Variants in MYBPHL observed in about 807,000 individuals in gnomAD.
MYBPHL encodes myosin binding protein H like.
Under a neutral mutation model 39.5 loss-of-function variants are expected in MYBPHL, and 32 were observed. The observed-to-expected ratio is 0.81, with a 90% CI of 0.61 to 1.09. MYBPHL has a LOEUF of 1.09. Among genes scored for constraint, MYBPHL ranks in the 50% least tolerant of loss-of-function variants. MYBPHL has a pLI of 0.00. For missense variants in MYBPHL, 456 were observed against 460.2 expected, an observed-to-expected ratio of 0.99 and a Z score of 0.08; for synonymous variants, 196 against 183.7, an observed-to-expected ratio of 1.07 and a Z score of -0.54.
chr1:109,302,084 T>C (rs1273681648), intron 1 of MYBPHL, among the ~76,000 whole-genome samples: 1 of 151,804 alleles, frequency 6.6e-6, no homozygotes, highest in East Asian at 1.9e-4. Flanking sequence ...TGTGTGTGTT[T>C]GTGTACGTGC....
intron 1 of MYBPHL, among the ~76,000 whole-genome samples, chr1:109,302,530 GT>G (rs980522220): frequency 6.6e-6 from 1 of 152,114 alleles, no homozygotes; most frequent in Non-Finnish European, 1.5e-5. Flanking sequence ...GTGCTTGATG[GT>G]TTTAGCCCTG....
chr1:109,303,445 T>C (rs553173655), intron 1 of MYBPHL, among the ~76,000 whole-genome samples: 2 of 152,328 alleles, frequency 1.3e-5, no homozygotes, highest in African/African-American at 4.8e-5. Flanking sequence ...AGTGGCTGTA[T>C]CTGCACAGAG....
intron 1 of MYBPHL, among the ~76,000 whole-genome samples, chr1:109,301,984 A>G (rs1658300397): frequency 6.6e-6 from 1 of 152,136 alleles, no homozygotes; most frequent in Non-Finnish European, 1.5e-5. Context: ...GAGAGCCAAG[A>G]ACCAAGATGG....
intron 8 of MYBPHL, chr1:109,292,865 T>C (rs1419782292): frequency 6.6e-6 from 1 of 152,248 alleles, no homozygotes; most frequent in Non-Finnish European, 1.5e-5. Context: ...TAGTTCTGTC[T>C]CAAGCTTCTT....
chr1:109,299,717 C>T (rs888076454), intron 1 of MYBPHL, among the ~76,000 whole-genome samples: 8 of 152,204 alleles, frequency 5.3e-5, no homozygotes, highest in Non-Finnish European at 7.3e-5. Flanking sequence ...GAATATGTGA[C>T]GAGGGGACTT....
Position 109,294,236 on chromosome 1 carries a change from TC to T in MYBPHL, c.*2del, listed in dbSNP as rs1657974507. 6.2e-7 allele frequency: 1 copy of T among 1,608,810 alleles called. No individual in the cohort carries two copies. The highest frequency in any genetic ancestry group is 1.7e-5 in the Admixed American group (1 of 60,002). ...TCAGAGTACCATGCCTTCTTAGGTG[TC>T]CTCAATTAGGAACTGTAATAATTCG... On this transcript the variant is annotated 3_prime_UTR_variant, in exon 8 of 9. Coordinates refer to ENST00000357155, the MANE Select transcript of MYBPHL (RefSeq NM_001010985.3).
At chr1:109,306,472 C>T (rs1658472785) in intron 1 of MYBPHL, among the ~76,000 whole-genome samples, 1 of 152,192 alleles carries the variant, frequency 6.6e-6, no homozygotes, top group South Asian at 2.1e-4. Flanking sequence ...GTTCCTTCAG[C>T]AGACAGTCAC....
chr1:109,293,223 C>T (rs534962712), intron 8 of MYBPHL, among the ~76,000 whole-genome samples: 132 of 152,274 alleles, frequency 8.7e-4, no homozygotes, highest in Middle Eastern at 3.4e-3. Context: ...TGGGTTCCTG[C>T]ACTCTGAATT....
Position 109,293,862 on chromosome 1 carries a change from G to A in MYBPHL, c.*33+344C>T, listed in dbSNP as rs58036387. Among the ~76,000 whole-genome samples, 810 of 152,166 alleles carry A rather than the reference G, an allele frequency of 5.3e-3. 5 individuals are homozygous for A. The highest frequency in any genetic ancestry group is 0.018 in the African/African-American group (763 of 41,508). ...GTGAATCACTTGAGGTCAGGAGTTC[G>A]AGACCAGCCTGGCCAACATGGTGAA... is the stretch of plus-strand genomic sequence containing the variant. On this transcript the variant is annotated intron_variant, in intron 8 of 8. Coordinates refer to ENST00000357155, the MANE Select transcript of MYBPHL (RefSeq NM_001010985.3).
In MYBPHL at chr1:109,302,114, T is replaced by C. The variant is rs1206744514; in HGVS notation, c.146-3857A>G. On this transcript the variant is annotated intron_variant, in intron 1 of 8. Transcript: ENST00000357155. ...ACGTGCATGAATGTGTGTATGGGTG[T>C]GTTTACGTGTGTCTGTGAATGGTGT... Among the ~76,000 whole-genome samples the C allele has an allele frequency of 3.3e-5, 5 of 151,924 alleles. No homozygotes were observed. The East Asian group carries it at 9.7e-4, about 29-fold the overall frequency.
chr1:109,300,403 G>C (rs750200938), intron 1 of MYBPHL, among the ~76,000 whole-genome samples: 22 of 152,182 alleles, frequency 1.4e-4, no homozygotes, highest in Non-Finnish European at 2.8e-4. Flanking sequence ...GAGGGAAGGC[G>C]GGGGCTAGAC....
At chr1:109,298,398 C>A (rs1371133461) in intron 1 of MYBPHL, 141 bp from the exon 2 acceptor site, 25 of 671,112 alleles carry the variant, frequency 3.7e-5, no homozygotes, top group Non-Finnish European at 3.0e-5. Context: ...AGAGTGCTCC[C>A]ATCATCCTGC....
chr1:109,300,497 T>A (rs59915085), intron 1 of MYBPHL, among the ~76,000 whole-genome samples: 4 of 152,358 alleles, frequency 2.6e-5, no homozygotes, highest in Middle Eastern at 3.4e-3. Context: ...AGCCCCGCCC[T>A]GCTGAGACCT....
intron 7 of MYBPHL, among the ~76,000 whole-genome samples, 195 bp downstream of exon 7, chr1:109,294,916 T>C (rs1036332815): frequency 1.3e-5 from 2 of 152,156 alleles, no homozygotes; most frequent in African/African-American, 4.8e-5. Flanking sequence ...TATTATTGAA[T>C]TGTGATGGAG....
chr1:109,297,181 C>G lies in MYBPHL; in HGVS notation c.439G>C (p.Gly147Arg). Reference protein sequence around the residue: ...TIDILVIERPGPPQSIKLVDV... With the variant: ...TIDILVIERPRPPQSIKLVDV... ...ACCAGCTTAATACTCTGAGGAGGGC[C>G]TGGCCTCTCTGAAAGGGCAAAGCCA... The change falls in exon 4 of 9, where the codon GGC becomes CGC. Residue 147 changes from glycine (G) to arginine (R), a missense_variant. Gly to Arg is a moderately radical substitution (Grantham distance 125). Coordinates refer to ENST00000357155, the MANE Select transcript of MYBPHL (RefSeq NM_001010985.3). 1.2e-6 allele frequency: 2 copies of G among 1,614,210 alleles called. No individual in the cohort carries two copies. The highest frequency in any genetic ancestry group is 1.7e-6 in the Non-Finnish European group (2 of 1,180,032).
chr1:109,294,012 C>T (rs1198835027), intron 8 of MYBPHL, among the ~76,000 whole-genome samples, 194 bp downstream of exon 8: 1 of 151,510 alleles, frequency 6.6e-6, no homozygotes, highest in Non-Finnish European at 1.5e-5. Context: ...TGCAGTGAGC[C>T]AAGATGGCGC....
At chr1:109,296,137 CAG>C in intron 6 of MYBPHL, 95 bp downstream of exon 6, 1 of 1,474,252 alleles carries the variant, frequency 6.8e-7, no homozygotes, top group South Asian at 1.3e-5. Context: ...GTGATGGTAA[CAG>C]ATGTTATGTT....
At chr1:109,304,832 T>C (rs1353459269) in intron 1 of MYBPHL, among the ~76,000 whole-genome samples, 1 of 152,252 alleles carries the variant, frequency 6.6e-6, no homozygotes, top group Non-Finnish European at 1.5e-5. Context: ...GTAGCAGGCT[T>C]GCCAAACTAA....
chr1:109,297,261 A>T (rs1204914813), intron 3 of MYBPHL, 72 bp from the exon 4 acceptor site: 31 of 1,605,962 alleles, frequency 1.9e-5, no homozygotes, highest in Admixed American at 1.3e-4. Context: ...GGAGTGCCCT[A>T]GCCCCTTTTT....
Sources: gnomAD v4.1 joint callset for allele counts (sites outside exome capture counted in the v4.1 genomes callset) on GRCh38, gnomAD v4.1.1 for gene constraint, MANE v1.5 for transcripts, NCBI Gene and HGNC (gene_info 2026-07-23, HGNC 2026-07-21) for gene names.